Variants in ADCY2 observed in about 807,000 individuals in gnomAD.
ADCY2 encodes the protein adenylate cyclase type 2.
In ADCY2, 31 loss-of-function variants were observed where a neutral mutation model predicts 125.2. The observed-to-expected ratio is 0.25, with a 90% CI of 0.19 to 0.33. The LOEUF is 0.33. ADCY2 is among the 10% of genes least tolerant of loss of function. The probability of loss-of-function intolerance (pLI) is 1.00; values close to 1 mark genes in which losing one functional copy is unlikely to be tolerated. For missense variants in ADCY2, 904 were observed against 1,418.2 expected (o/e 0.64, Z 5.82); for synonymous variants, 512 against 548.4 (o/e 0.93, Z 0.93).
chr5:7,611,284 T>C (rs1013900174), intron 3 of ADCY2: 1 of 152,204 alleles, frequency 6.6e-6, no homozygotes, highest in Admixed American at 6.5e-5. Context: ...ATGAGAAAAG[T>C]AGTTAAATAA....
intron 19 of ADCY2, among the ~76,000 whole-genome samples, chr5:7,788,538 A>G (rs1160208347): frequency 6.6e-6 from 1 of 152,254 alleles, no homozygotes; most frequent in East Asian, 1.9e-4. Context: ...GCCTTGCTAT[A>G]TGAGATAAAC....
intron 2 of ADCY2, among the ~76,000 whole-genome samples, chr5:7,421,170 T>A (rs1198139510): frequency 6.6e-6 from 1 of 152,202 alleles, no homozygotes; most frequent in East Asian, 1.9e-4. Flanking sequence ...AGAGCAGTCA[T>A]TTGTCCCATG....
intron 2 of ADCY2, among the ~76,000 whole-genome samples, chr5:7,433,654 G>GA (rs954113188): frequency 8.0e-5 from 12 of 149,194 alleles, no homozygotes; most frequent in South Asian, 4.2e-4. Flanking sequence ...CTTGAAGAAA[G>GA]AAAAAAAAAT....
In ADCY2 at chr5:7,451,345, C is replaced by T. The variant is rs76389202; in HGVS notation, c.408+36575C>T. 1.9e-3 allele frequency among the ~76,000 whole-genome samples: 289 copies of T among 152,240 alleles called. 1 individual carries two copies. Among genetic ancestry groups the T allele is most frequent in the African/African-American group, 5.0e-3 (207 of 41,570 alleles). On this transcript the variant is annotated intron_variant, in intron 2 of 24. Transcript: ENST00000338316. ...TGAGTTCAACCCTCATGGGTGACTTCGTCTTTGTTCAATGCATGGAGGAAG... is the reference window on the plus strand; with the variant it reads ...TGAGTTCAACCCTCATGGGTGACTTTGTCTTTGTTCAATGCATGGAGGAAG...
Position 7,396,599 on chromosome 5 carries a change from TCGGCCCGCGGCAGC to T in ADCY2, c.210+95_210+108del. ...GCCGCGTCCCGCTCCGGGCTGCCCC[TCGGCCCGCGGCAGC>T]CCCTCGGCCCGCGGCAGCCCCTCGG... On this transcript the variant is annotated intron_variant, in intron 1 of 24. Transcript: ENST00000338316. The surrounding 1 kb of genome is among the most constrained non-coding windows in gnomAD (Gnocchi z 5.7). 1 of 746,390 alleles carries T rather than the reference TCGGCCCGCGGCAGC, an allele frequency of 1.3e-6. No homozygotes were observed. 46.2% of individuals were successfully genotyped at this position (746,390 alleles called of 1,614,324 possible). A position where few individuals can be genotyped will look rare whatever the true frequency, so the allele number is the denominator to read the frequency against.
intron 2 of ADCY2, among the ~76,000 whole-genome samples, chr5:7,416,946 C>T (rs1159030223): frequency 1.3e-5 from 2 of 152,106 alleles, no homozygotes; most frequent in Non-Finnish European, 2.9e-5. Context: ...GTTTTTAGCT[C>T]ACTTTTTATT....
Position 7,751,174 on chromosome 5 carries a change from T to C in ADCY2, c.1957-6275T>C, listed in dbSNP as rs75266897. Among the ~76,000 whole-genome samples, 1,314 of 152,340 alleles carry C rather than the reference T, an allele frequency of 8.6e-3. 12 individuals are homozygous for C. Among genetic ancestry groups the C allele is most frequent in the South Asian group, 0.039 (188 of 4,830 alleles). ...TCTACATTTTCATCTCTAGAAAGTT[T>C]ATGTGGCTCATTTTAAAAAATACTT... On this transcript the variant is annotated intron_variant, in intron 15 of 24. Coordinates refer to ENST00000338316, the MANE Select transcript of ADCY2 (RefSeq NM_020546.3).
rs10590625 is a variant in ADCY2 at position 7,567,929 on chromosome 5, TTCTCTCTCTCTCTCTCTC to T, written c.570+47046_570+47063del. Among the ~76,000 whole-genome samples, 236 of 146,568 alleles carry T rather than the reference TTCTCTCTCTCTCTCTCTC, an allele frequency of 1.6e-3. 1 individual carries two copies. Among genetic ancestry groups the T allele is most frequent in the Admixed American group, 0.014 (208 of 14,524 alleles). ...AACAAAGTGCTCTGTCGTCCTCTCT[TTCTCTCTCTCTCTCTCTC>T]TCTCTCTCTCTCTCTGTCAGATGTC... On this transcript the variant is annotated intron_variant, in intron 3 of 24. Transcript: ENST00000338316.
At chr5:7,504,394 T>C (rs773930726) in intron 2 of ADCY2, among the ~76,000 whole-genome samples, 4 of 152,208 alleles carry the variant, frequency 2.6e-5, no homozygotes, top group Non-Finnish European at 4.4e-5. Flanking sequence ...TTAAAAGGGA[T>C]AGAATTGTGA....
intron 13 of ADCY2, 41 bp downstream of exon 13, chr5:7,724,655 T>A: frequency 1.4e-6 from 2 of 1,405,520 alleles, no homozygotes; most frequent in South Asian, 2.5e-5. Flanking sequence ...TCGAGTTTTC[T>A]GAAATTTGAA....
intron 2 of ADCY2, among the ~76,000 whole-genome samples, chr5:7,507,960 A>C (rs944400714): frequency 6.6e-6 from 1 of 152,126 alleles, no homozygotes; most frequent in Non-Finnish European, 1.5e-5. Flanking sequence ...CCTGCTTATA[A>C]AATATTTTCA....
rs191822638 is a variant in ADCY2, at chr5:7,626,605, A to G, written c.720+289A>G. Among the ~76,000 whole-genome samples, 4 of 152,198 alleles carry G rather than the reference A, an allele frequency of 2.6e-5. No individual in the cohort carries two copies. In the East Asian group the frequency reaches 7.8e-4, roughly 30 times the overall value. On this transcript the variant is annotated intron_variant, in intron 4 of 24. Coordinates refer to ENST00000338316, the MANE Select transcript of ADCY2 (RefSeq NM_020546.3). ...CTCGTGAATGCCTTTAACTGCCTCC[A>G]CTCATGGATAATGGGTAATGTGCAG...
At chr5:7,603,397 C>A (rs988151555) in intron 3 of ADCY2, among the ~76,000 whole-genome samples, 1 of 152,236 alleles carries the variant, frequency 6.6e-6, no homozygotes, top group Non-Finnish European at 1.5e-5. Context: ...CACTGCCCCA[C>A]CTCTTACTGG....
At chr5:7,763,558 A>G (rs1281248380) in intron 16 of ADCY2, among the ~76,000 whole-genome samples, 3 of 152,094 alleles carry the variant, frequency 2.0e-5, no homozygotes, top group Admixed American at 6.5e-5. Context: ...CTGTGTCTCC[A>G]TGAAACACTC....
chr5:7,401,814 G>T (rs1739273227), intron 1 of ADCY2, among the ~76,000 whole-genome samples: 1 of 152,192 alleles, frequency 6.6e-6, no homozygotes. Flanking sequence ...CGATATTCCT[G>T]TGTTGAAGGT....
At chr5:7,787,138 A>G (rs1283442478) in intron 19 of ADCY2, among the ~76,000 whole-genome samples, 3 of 152,314 alleles carry the variant, frequency 2.0e-5, no homozygotes, top group Non-Finnish European at 2.9e-5. Flanking sequence ...GAGGTGGGTG[A>G]CAATCCGAGG....
intron 3 of ADCY2, among the ~76,000 whole-genome samples, chr5:7,591,312 G>T (rs1462340702): frequency 6.6e-6 from 1 of 152,076 alleles, no homozygotes; most frequent in African/African-American, 2.4e-5. Context: ...TGCAATTTTT[G>T]TATAACACCA....
chr5:7,712,853 T>C lies in ADCY2; in HGVS notation c.1579-3T>C. 1 of 1,602,732 alleles carries C rather than the reference T, an allele frequency of 6.2e-7. No individual in the cohort carries two copies. On this transcript the variant is annotated splice_polypyrimidine_tract_variant and splice_region_variant and intron_variant, in intron 10 of 24. Transcript: ENST00000338316. ...CAATTAATAACCTTTTTTCTCAATATAGGATGTACCCATGGGTCAGCATAA... is the reference window on the plus strand; with the variant it reads ...CAATTAATAACCTTTTTTCTCAATACAGGATGTACCCATGGGTCAGCATAA...
At chr5:7,825,375 G>A (rs1251578833) in intron 24 of ADCY2, among the ~76,000 whole-genome samples, 4 of 151,748 alleles carry the variant, frequency 2.6e-5, no homozygotes, top group Non-Finnish European at 5.9e-5. Context: ...CCGTAACAAC[G>A]CTGCTGGGTG....
Sources: allele counts gnomAD v4.1 joint callset (sites outside exome capture counted in the v4.1 genomes callset), GRCh38; gene constraint gnomAD v4.1.1; non-coding constraint Gnocchi (gnomAD v3.1); transcripts MANE v1.5; gene names NCBI Gene and HGNC (gene_info 2026-07-23, HGNC 2026-07-21).